CREBRF: variants seen among roughly 807,000 people sequenced by gnomAD.
The protein encoded by CREBRF is CREB3 regulatory factor, also known as UPF0474 protein C5orf41.
In CREBRF, 5 loss-of-function variants were observed where a neutral mutation model predicts 66.1. That is an observed-to-expected ratio of 0.08 (90% CI 0.04 to 0.16). CREBRF has a LOEUF of 0.16. CREBRF is among the 10% of genes least tolerant of loss of function. The probability of loss-of-function intolerance (pLI) is 1.00; values close to 1 mark genes in which losing one functional copy is unlikely to be tolerated. For missense variants in CREBRF, 531 were observed against 744.9 expected (o/e 0.71, Z 3.34); for synonymous variants, 229 against 264.4 (o/e 0.87, Z 1.30).
At chr5:173,057,771 G>A (rs1757118956) in intron 1 of CREBRF, 1 of 151,932 alleles carries the variant, frequency 6.6e-6, no homozygotes, top group Non-Finnish European at 1.5e-5. Context: ...AAAGAAAACG[G>A]GACTAGAAAA....
chr5:173,092,448 C>T, intron 4 of CREBRF: 2 of 982,716 alleles, frequency 2.0e-6, no homozygotes, highest in South Asian at 9.4e-5. Context: ...GCGCTGTTGG[C>T]TTGTGCAGTT....
At chr5:173,079,989 A>G (rs1489972017) in intron 1 of CREBRF, among the ~76,000 whole-genome samples, 2 of 152,240 alleles carry the variant, frequency 1.3e-5, no homozygotes, top group African/African-American at 4.8e-5. Context: ...TCCCTCAAAC[A>G]TACACCTGTT....
At chr5:173,105,754 G>A (rs535548383) in intron 4 of CREBRF, among the ~76,000 whole-genome samples, 83 of 152,064 alleles carry the variant, frequency 5.5e-4, no homozygotes, top group Admixed American at 1.9e-3. Flanking sequence ...ATGAGCCACC[G>A]TGCCTGGCCA....
intron 8 of CREBRF, among the ~76,000 whole-genome samples, chr5:173,126,600 C>T (rs1759281272): frequency 6.6e-6 from 1 of 152,220 alleles, no homozygotes; most frequent in African/African-American, 2.4e-5. Context: ...AAATCCCTCA[C>T]AGCGTTAGCT....
chr5:173,103,662 C>G (rs1347452964), intron 4 of CREBRF, among the ~76,000 whole-genome samples: 1 of 152,174 alleles, frequency 6.6e-6, no homozygotes, highest in Non-Finnish European at 1.5e-5. Flanking sequence ...GAGTTTTAGT[C>G]TCTTTTCTGG....
rs560830346 is a variant in CREBRF, at chr5:173,091,260, G to A, written c.1081G>A (p.Glu361Lys). ...KCSPEEDEED[E>K]EDVDDEDHDE... ...CAGTCCTGAAGAAGATGAGGAGGAC[G>A]AGGAGGATGTTGATGATGAGGACCA... The change falls in exon 4 of 9, where the codon GAG (glutamate) becomes AAG (lysine). Residue 361 changes from glutamate (E) to lysine (K), a missense_variant. Transcript: ENST00000296953. 6 of 1,613,828 alleles carry A rather than the reference G, an allele frequency of 3.7e-6. No homozygotes were observed. Among genetic ancestry groups the A allele is most frequent in the Admixed American group, 1.7e-5 (1 of 59,986 alleles).
intron 2 of CREBRF, among the ~76,000 whole-genome samples, chr5:173,082,003 G>GTTTTTTTTTTTTTT (rs869148787): frequency 1.3e-5 from 1 of 78,046 alleles, no homozygotes. Flanking sequence ...TCAAGGTTTA[G>GTTTTTTTTTTTTTT]TTTTTTTTTT....
At chr5:173,058,493 TTTTAA>T (rs1291007379) in intron 1 of CREBRF, among the ~76,000 whole-genome samples, 1 of 152,166 alleles carries the variant, frequency 6.6e-6, no homozygotes, top group African/African-American at 2.4e-5. Context: ...TTTTTTTTTT[TTTTAA>T]TTTGAGACGG....
At chr5:173,123,909 C>T (rs1561581275) in intron 8 of CREBRF, 2 of 152,186 alleles carry the variant, frequency 1.3e-5, no homozygotes, top group African/African-American at 2.4e-5. Flanking sequence ...AATCACTTAC[C>T]TCCTGCTTCC....
chr5:173,083,517 C>T (rs594140), intron 2 of CREBRF, among the ~76,000 whole-genome samples: 99,697 of 151,974 alleles, frequency 0.66, 33,187 homozygotes, highest in Middle Eastern at 0.7. Context: ...ACTGGTCTTA[C>T]CAAGGAGATT....
Position 173,090,250 on chromosome 5 carries a change from C to A in CREBRF, c.136-65C>A. The A allele has an allele frequency of 7.6e-7, 1 of 1,308,500 alleles. No individual in the cohort carries two copies. Among genetic ancestry groups the A allele is most frequent in the Non-Finnish European group, 1.1e-6 (1 of 943,732 alleles). 81.1% of individuals were successfully genotyped at this position (1,308,500 alleles called of 1,614,324 possible). On this transcript the variant is annotated intron_variant, in intron 3 of 8. Transcript: ENST00000296953. This position sits in a 1 kb window ranked among gnomAD's most constrained non-coding sequence, Gnocchi z 4.5. ...GTCAAGTATTGATTTATCAGTTTGA[C>A]ATATGGAGGTGAATATTTCCTTCTG...
At chr5:173,110,481 T>G (rs773403482) in intron 5 of CREBRF, 41 bp from the exon 6 acceptor site, 52 of 1,444,038 alleles carry the variant, frequency 3.6e-5, no homozygotes, top group Non-Finnish European at 5.0e-5. Context: ...CTCTTGTTAA[T>G]TAAAGTGATC....
chr5:173,104,911 AT>A (rs1202792435), intron 4 of CREBRF, among the ~76,000 whole-genome samples: 4 of 152,228 alleles, frequency 2.6e-5, no homozygotes, highest in African/African-American at 4.8e-5. Context: ...AAATAAAAAA[AT>A]CTTCATGATT....
intron 5 of CREBRF, chr5:173,110,315 C>T: frequency 1.5e-6 from 1 of 666,322 alleles, no homozygotes; most frequent in Non-Finnish European, 2.8e-6. Flanking sequence ...TGCCATATCA[C>T]CCCCATTTCC....
intron 4 of CREBRF, 86 bp from the exon 5 acceptor site, chr5:173,108,538 G>C: frequency 1.8e-6 from 2 of 1,137,750 alleles, no homozygotes; most frequent in Non-Finnish European, 2.5e-6. Flanking sequence ...AATATACCAA[G>C]TTACAAATAG....
At position 173,133,785 on chromosome 5, in the gene CREBRF, T is replaced by C; in HGVS notation, c.*40T>C. 9.3e-7 allele frequency: 1 copy of C among 1,077,754 alleles called. No homozygotes were observed. The highest frequency in any genetic ancestry group is 1.3e-5 in the South Asian group (1 of 74,264). 66.8% of individuals were successfully genotyped at this position (1,077,754 alleles called of 1,614,324 possible). A position where few individuals can be genotyped will look rare whatever the true frequency, so the allele number is the denominator to read the frequency against. On this transcript the variant is annotated 3_prime_UTR_variant, in exon 9 of 9. Transcript: ENST00000296953. ...CCACTGGTCAGAAATGTCTGCGTTTTGTCACGTTATCCATTGTAAATTTTC... is the reference window on the plus strand; with the variant it reads ...CCACTGGTCAGAAATGTCTGCGTTTCGTCACGTTATCCATTGTAAATTTTC...
intron 7 of CREBRF, among the ~76,000 whole-genome samples, chr5:173,112,821 TTTAGGC>T (rs1758900876): frequency 6.6e-6 from 1 of 152,226 alleles, no homozygotes; most frequent in African/African-American, 2.4e-5. Flanking sequence ...ATAATGATAT[TTTAGGC>T]TTCGTATGAA....
At chr5:173,057,710 T>A (rs555146371) in intron 1 of CREBRF, 1 of 152,286 alleles carries the variant, frequency 6.6e-6, no homozygotes, top group Admixed American at 6.5e-5. Flanking sequence ...CGGTCTGAAT[T>A]TCTGTACCAG....
chr5:173,071,631 A>G (rs927865585), intron 1 of CREBRF, among the ~76,000 whole-genome samples: 1 of 152,076 alleles, frequency 6.6e-6, no homozygotes, highest in Non-Finnish European at 1.5e-5. Flanking sequence ...GGTATGAGCC[A>G]CTTGTGTCTG....
Sources: gnomAD v4.1 joint callset for allele counts (sites outside exome capture counted in the v4.1 genomes callset) on GRCh38, gnomAD v4.1.1 for gene constraint, Gnocchi (gnomAD v3.1) non-coding constraint, MANE v1.5 for transcripts, NCBI Gene and HGNC (gene_info 2026-07-23, HGNC 2026-07-21) for gene names.